The following MYT1L variants were observed in gnomAD, a reference collection of about 807,000 sequenced individuals.
MYT1L encodes the protein myelin transcription factor 1-like protein.
A neutral mutation model predicts 126.7 loss-of-function variants in MYT1L; 12 were observed. That is an observed-to-expected ratio of 0.09 (90% CI 0.06 to 0.15). The LOEUF (loss-of-function observed/expected upper bound fraction) is 0.15, where lower values mean the gene tolerates loss of function less well. MYT1L is among the 10% of genes least tolerant of loss of function. The pLI, the probability that MYT1L is intolerant of heterozygous loss-of-function variation, is 1.00. For missense variants in MYT1L, 979 were observed against 1,585.2 expected (o/e 0.62, Z 6.49); for synonymous variants, 541 against 604.2 (o/e 0.90, Z 1.53).
chr2:1,988,904 A>C (rs570828891), intron 5 of MYT1L, among the ~76,000 whole-genome samples: 1 of 152,222 alleles, frequency 6.6e-6, no homozygotes, highest in Non-Finnish European at 1.5e-5. Flanking sequence ...AAGTTTTCCC[A>C]AAGGGATAAG....
intron 8 of MYT1L, among the ~76,000 whole-genome samples, chr2:1,950,919 A>G (rs897200778): frequency 6.6e-6 from 1 of 152,184 alleles, no homozygotes; most frequent in African/African-American, 2.4e-5. Context: ...ATGTCAGGTC[A>G]TAGGTTGGCC....
intron 2 of MYT1L, among the ~76,000 whole-genome samples, chr2:2,264,321 T>C (rs988444993): frequency 1.3e-5 from 2 of 152,064 alleles, no homozygotes; most frequent in Admixed American, 6.6e-5. Flanking sequence ...GTCTGATGCC[T>C]TTTTCTTTAT....
intron 3 of MYT1L, among the ~76,000 whole-genome samples, chr2:2,165,975 T>TTATTTTTCTACTTTGTAAAAAAA (rs1299340172): frequency 2.8e-5 from 3 of 107,096 alleles, no homozygotes; most frequent in African/African-American, 7.6e-5. Context: ...TTGTAAAGTT[T>TTATTTTTCTACTTTGTAAAAAAA]TAAAGTACAG....
At chr2:2,112,797 A>G (rs1416902138) in intron 3 of MYT1L, among the ~76,000 whole-genome samples, 2 of 152,200 alleles carry the variant, frequency 1.3e-5, no homozygotes, top group African/African-American at 4.8e-5. Context: ...GTTGAGGAAA[A>G]CGAATTCATT....
intron 2 of MYT1L, among the ~76,000 whole-genome samples, chr2:2,219,648 C>G (rs1270186809): frequency 6.6e-6 from 1 of 152,216 alleles, no homozygotes. Context: ...CCACAAGTTA[C>G]TTCCTCCTTC....
intron 1 of MYT1L, among the ~76,000 whole-genome samples, chr2:2,293,729 AG>A (rs2149476998): frequency 6.6e-6 from 1 of 152,272 alleles, no homozygotes; most frequent in East Asian, 1.9e-4. Context: ...CTGGGGCAGG[AG>A]GTGGACACCA....
In MYT1L at chr2:2,081,897, G is replaced by C. The variant is rs564451078; in HGVS notation, c.-303-27774C>G. Among the ~76,000 whole-genome samples, 115 of 152,176 alleles carry C rather than the reference G, an allele frequency of 7.6e-4. 1 individual carries two copies. The highest frequency in any genetic ancestry group is 2.6e-3 in the African/African-American group (109 of 41,516). On this transcript the variant is annotated intron_variant, in intron 3 of 24. Coordinates refer to ENST00000647738, the MANE Select transcript of MYT1L (RefSeq NM_001303052.2). ...TGGGATTACAGGTGCGCGATGCCATGCTTGGCTAATTTTTGTATGTTTTTT... is the reference window on the plus strand; with the variant it reads ...TGGGATTACAGGTGCGCGATGCCATCCTTGGCTAATTTTTGTATGTTTTTT...
chr2:2,187,578 G>A (rs2092302982), intron 2 of MYT1L, among the ~76,000 whole-genome samples: 1 of 151,778 alleles, frequency 6.6e-6, no homozygotes. Flanking sequence ...CAGATGAGTG[G>A]CAGAAGGGGG....
intron 1 of MYT1L, among the ~76,000 whole-genome samples, chr2:2,299,933 A>G (rs1404085164): frequency 1.3e-5 from 2 of 152,206 alleles, no homozygotes; most frequent in Admixed American, 1.3e-4. Flanking sequence ...TTAACTTTAA[A>G]GCAAAGGGAA....
At chr2:2,105,108 A>C (rs2078586071) in intron 3 of MYT1L, among the ~76,000 whole-genome samples, 1 of 152,186 alleles carries the variant, frequency 6.6e-6, no homozygotes, top group South Asian at 2.1e-4. Flanking sequence ...TTTCATATCT[A>C]AGACAAGAGT....
At chr2:1,947,427 T>A (rs910596402) in intron 8 of MYT1L, among the ~76,000 whole-genome samples, 17 of 152,154 alleles carry the variant, frequency 1.1e-4, no homozygotes, top group African/African-American at 3.9e-4. Context: ...TGGAGGACAA[T>A]GTATCCGGCT....
At chr2:1,904,559 C>G (rs931555236) in intron 13 of MYT1L, among the ~76,000 whole-genome samples, 2 of 151,688 alleles carry the variant, frequency 1.3e-5, no homozygotes, top group African/African-American at 4.8e-5. Context: ...TCAGTGGAGA[C>G]AGGGTTTCAC....
chr2:2,274,525 G>A (rs896263279), intron 2 of MYT1L, among the ~76,000 whole-genome samples: 2 of 152,238 alleles, frequency 1.3e-5, no homozygotes, highest in Admixed American at 6.5e-5. Flanking sequence ...AAGACTCTTA[G>A]CCTCTATTGC....
chr2:1,958,369 T>G (rs1400789195), intron 8 of MYT1L, among the ~76,000 whole-genome samples: 1 of 150,740 alleles, frequency 6.6e-6, no homozygotes, highest in Non-Finnish European at 1.5e-5. Context: ...ACCAGGGAGT[T>G]GGAGGATGAG....
rs572986707 is a variant in MYT1L, at chr2:1,837,188, C to A, written c.3080+1961G>T. Among the ~76,000 whole-genome samples, 14 of 152,264 alleles carry A rather than the reference C, an allele frequency of 9.2e-5. No homozygotes were observed. The South Asian group carries it at 2.7e-3, about 29-fold the overall frequency. ...CCAGAGGCTGGGGAGTGGGAGGGAA[C>A]AGCATTCATCTGGCACCTGGTATTT... On this transcript the variant is annotated intron_variant, in intron 21 of 24. Transcript: ENST00000647738.
intron 3 of MYT1L, among the ~76,000 whole-genome samples, chr2:2,127,357 A>T (rs1335619026): frequency 1.3e-5 from 2 of 152,230 alleles, no homozygotes; most frequent in African/African-American, 4.8e-5. Context: ...GGTAAAGACA[A>T]CACTTTTTAT....
At chr2:1,890,689 C>A (rs1483954898) in intron 15 of MYT1L, among the ~76,000 whole-genome samples, 2 of 151,994 alleles carry the variant, frequency 1.3e-5, no homozygotes, top group Non-Finnish European at 2.9e-5. Flanking sequence ...GCATGTTTTT[C>A]CCCAAAGAGT....
intron 21 of MYT1L, among the ~76,000 whole-genome samples, chr2:1,814,355 C>A (rs573693357): frequency 5.7e-4 from 87 of 152,222 alleles, no homozygotes; most frequent in Non-Finnish European, 9.8e-4. Context: ...CGCTGCCTTC[C>A]TCGAATCCCC....
rs1034919590 is a variant in MYT1L at position 2,237,198 on chromosome 2, T to C, written c.-421+47206A>G. ...TCTCACTCTTTCCTTTCTGGATCCC[T>C]CTTTGTTCCTCCTCCTCCCTTCCTA... is the stretch of plus-strand genomic sequence containing the variant. On this transcript the variant is annotated intron_variant, in intron 2 of 24. Coordinates refer to ENST00000647738, the MANE Select transcript of MYT1L (RefSeq NM_001303052.2). Among the ~76,000 whole-genome samples the C allele has an allele frequency of 2.0e-5, 3 of 152,174 alleles. No individual in the cohort carries two copies. The East Asian group carries it at 5.8e-4, about 29-fold the overall frequency.
Sources: allele counts gnomAD v4.1 joint callset (sites outside exome capture counted in the v4.1 genomes callset), GRCh38; gene constraint gnomAD v4.1.1; transcripts MANE v1.5; gene names NCBI Gene and HGNC (gene_info 2026-07-23, HGNC 2026-07-21).